The following WFIKKN2 variants were observed in gnomAD, a reference collection of about 807,000 sequenced individuals.
WFIKKN2 encodes the protein WAP, follistatin/kazal, immunoglobulin, kunitz and netrin domain containing 2.
In WFIKKN2, 25 loss-of-function variants were observed where a neutral mutation model predicts 39.2. That is an observed-to-expected ratio of 0.64 (90% CI 0.47 to 0.89). The LOEUF is 0.89. Among genes scored for constraint, WFIKKN2 ranks in the 40% least tolerant of loss-of-function variants. The pLI is 0.00. For synonymous variants in WFIKKN2, 345 were observed against 329.7 expected, an observed-to-expected ratio of 1.05 and a Z score of -0.50; for missense variants, 770 against 811.7, an observed-to-expected ratio of 0.95 and a Z score of 0.62.
chr17:50,840,284 A>G lies in WFIKKN2; in HGVS notation c.996A>G (p.Pro332=), dbSNP rs35114322. The change falls in exon 2 of 2, where the codon CCA becomes CCG. Residue 332 remains proline, a synonymous_variant. Coordinates refer to ENST00000311378, the MANE Select transcript of WFIKKN2 (RefSeq NM_175575.6). Reference sequence around the variant, plus strand: ...CGGCGGCCGAGTGCCTGAAGCCCCCAGACAGTGAGGACTGTGGCGAAGAGC... The same window carrying G: ...CGGCGGCCGAGTGCCTGAAGCCCCCGGACAGTGAGGACTGTGGCGAAGAGC... ...AFPAAECLKP[P]DSEDCGEEQT... 1 of 1,614,018 alleles carries G rather than the reference A, an allele frequency of 6.2e-7. No individual in the cohort carries two copies. Among genetic ancestry groups the G allele is most frequent in the South Asian group, 1.1e-5 (1 of 91,076 alleles).
At chr17:50,837,343 T>C (rs1971972496) in intron 1 of WFIKKN2, among the ~76,000 whole-genome samples, 1 of 152,166 alleles carries the variant, frequency 6.6e-6, no homozygotes. Flanking sequence ...CTGGTGTCCC[T>C]GGGAGGAAGG....
Position 50,840,097 on chromosome 17 carries a change from C to G in WFIKKN2, c.809C>G (p.Ala270Gly). Reference protein sequence around the residue: ...VRGNVVVTNIAQLVIYNAQLQ... With the variant: ...VRGNVVVTNIGQLVIYNAQLQ... ...GGCAACGTGGTGGTCACCAACATTG[C>G]CCAGCTGGTCATCTATAACGCCCAG... Residue 270 changes from alanine (A) to glycine (G), a missense_variant, in exon 2 of 2, where the codon GCC becomes GGC. Physicochemically the swap from Ala to Gly is moderately conservative, Grantham distance 60. Transcript: ENST00000311378. The G allele has an allele frequency of 6.2e-7, 1 of 1,614,200 alleles. No homozygotes were observed.
Position 50,837,627 on chromosome 17 carries a change from G to A in WFIKKN2, c.210+1480G>A, listed in dbSNP as rs1353446327. On this transcript the variant is annotated intron_variant, in intron 1 of 1. Transcript: ENST00000311378. Reference sequence around the variant, plus strand: ...TCCCCAGGGAACACGAGAGACACTGGTTCCCCCATAGATGCCTGGTTACCC... The same window carrying A: ...TCCCCAGGGAACACGAGAGACACTGATTCCCCCATAGATGCCTGGTTACCC... 3.3e-5 allele frequency among the ~76,000 whole-genome samples: 5 copies of A among 152,222 alleles called. No homozygotes were observed. The East Asian group carries it at 5.8e-4, about 18-fold the overall frequency.
rs760374780 is a variant in WFIKKN2, at chr17:50,840,671, C to T, written c.1383C>T (p.Ser461=). 24 of 1,613,830 alleles carry T rather than the reference C, an allele frequency of 1.5e-5. No individual in the cohort carries two copies. The highest frequency in any genetic ancestry group is 6.7e-5 in the Admixed American group (4 of 60,012). ...RQKLVTSFCR[S]DFVILGRVSE... Reference sequence around the variant, plus strand: ...AGCTCGTTACCAGCTTCTGTCGCAGCGACTTTGTCATCCTGGGCCGAGTCT... The same window carrying T: ...AGCTCGTTACCAGCTTCTGTCGCAGTGACTTTGTCATCCTGGGCCGAGTCT... Residue 461 remains serine (S), a synonymous_variant, in exon 2 of 2, where the codon AGC becomes AGT. Coordinates refer to ENST00000311378, the MANE Select transcript of WFIKKN2 (RefSeq NM_175575.6).
rs201034165 is a variant in WFIKKN2, at chr17:50,840,196, C to G, written c.908C>G (p.Ser303Trp). The stretch of plus-strand genomic sequence containing the variant: ...GTCCTGAGGGCTGATTTCCCGCTGT[C>G]GGTGGTCAGGGGTCATCAGGCTGCA... ...AGVLRADFPL[S>W]VVRGHQAAAT... Residue 303 changes from serine to tryptophan, a missense_variant, in exon 2 of 2, where the codon TCG becomes TGG. By Grantham distance (177) the Ser-to-Trp change is radical. Transcript: ENST00000311378. The G allele has an allele frequency of 1.2e-6, 2 of 1,613,640 alleles. No homozygotes were observed. The highest frequency in any genetic ancestry group is 1.7e-6 in the Non-Finnish European group (2 of 1,180,034).
chr17:50,840,258 C>T lies in WFIKKN2; in HGVS notation c.970C>T (p.Pro324Ser), dbSNP rs367803084. ...SESSPNGTAF[P>S]AAECLKPPDS... ...GAGCAGCCCCAATGGCACGGCTTTCCCGGCGGCCGAGTGCCTGAAGCCCCC... is the reference window on the plus strand; with the variant it reads ...GAGCAGCCCCAATGGCACGGCTTTCTCGGCGGCCGAGTGCCTGAAGCCCCC... Residue 324 changes from proline to serine, a missense_variant, in exon 2 of 2, where the codon CCG (proline) becomes TCG (serine). Physicochemically the swap from Pro to Ser is moderately conservative, Grantham distance 74. Coordinates refer to ENST00000311378, the MANE Select transcript of WFIKKN2 (RefSeq NM_175575.6). 363 of 1,613,944 alleles carry T rather than the reference C, an allele frequency of 2.2e-4. No homozygotes were observed. The highest frequency in any genetic ancestry group is 1.1e-3 in the Admixed American group (66 of 60,038).
At chr17:50,838,167 G>GT (rs1971983435) in intron 1 of WFIKKN2, among the ~76,000 whole-genome samples, 1 of 152,104 alleles carries the variant, frequency 6.6e-6, no homozygotes, top group South Asian at 2.1e-4. Flanking sequence ...TCCCTGCGGG[G>GT]TCTCTCTCCC....
intron 1 of WFIKKN2, 111 bp downstream of exon 1, chr17:50,836,258 G>T (rs930184991): frequency 1.5e-6 from 2 of 1,294,468 alleles, no homozygotes; most frequent in Non-Finnish European, 2.1e-6. Context: ...CGTGAGTGGG[G>T]TCCAGAAGCC....
chr17:50,840,690 C>T lies in WFIKKN2; in HGVS notation c.1402C>T (p.Arg468Ter), dbSNP rs761633207. 2.5e-6 allele frequency: 4 copies of T among 1,613,810 alleles called. No homozygotes were observed. The highest frequency in any genetic ancestry group is 2.2e-5 in the East Asian group (1 of 44,894). Residue 468 changes from arginine (R) to a stop codon, truncating the protein, a stop_gained, in exon 2 of 2, where the codon CGA becomes TGA. Transcript: ENST00000311378. LOFTEE classifies it high-confidence loss of function. ...FCRSDFVILGRVSELTEEPDS... is the reference protein window; with the variant it reads ...FCRSDFVILG ...TCGCAGCGACTTTGTCATCCTGGGCCGAGTCTCTGAGCTGACCGAGGAGCC... is the reference window on the plus strand; with the variant it reads ...TCGCAGCGACTTTGTCATCCTGGGCTGAGTCTCTGAGCTGACCGAGGAGCC...
At position 50,841,774 on chromosome 17, in the gene WFIKKN2, C is replaced by T. The variant is rs532036952; in HGVS notation, c.*755C>T. ...GAGAGATGTTAGTCACTGCCCAGTT[C>T]TTAGAGCCCCAACACAGATACCCTC... On this transcript the variant is annotated 3_prime_UTR_variant, in exon 2 of 2. Transcript: ENST00000311378. 1 of 152,318 alleles carries T rather than the reference C, an allele frequency of 6.6e-6. No homozygotes were observed. The highest frequency in any genetic ancestry group is 1.5e-5 in the Non-Finnish European group (1 of 68,108). The allele number at this position is 152,318 out of a possible 1,614,324, so 9.4% of individuals were successfully genotyped here. A position where few individuals can be genotyped will look rare whatever the true frequency, so the allele number is the denominator to read the frequency against.
chr17:50,840,638 T>G lies in WFIKKN2; in HGVS notation c.1350T>G (p.Pro450=), dbSNP rs781378411. 3 of 1,613,880 alleles carry G rather than the reference T, an allele frequency of 1.9e-6. No individual in the cohort carries two copies. Among genetic ancestry groups the G allele is most frequent in the Non-Finnish European group, 2.5e-6 (3 of 1,180,018 alleles). Residue 450 remains proline, a synonymous_variant, in exon 2 of 2, where the codon CCT becomes CCG. Coordinates refer to ENST00000311378, the MANE Select transcript of WFIKKN2 (RefSeq NM_175575.6). ...RGNQRCRACK[P]RQKLVTSFCR... ...ACCAGCGCTGTCGGGCCTGCAAGCC[T>G]CGGCAGAAGCTCGTTACCAGCTTCT...
chr17:50,836,214 G>A lies in WFIKKN2; in HGVS notation c.210+67G>A, dbSNP rs557158181. The stretch of plus-strand genomic sequence containing the variant: ...GTGAGTGACGGGGGTGGGAGCCGTC[G>A]GGGAGGGACTGTGTGGGAGTGTGAG... On this transcript the variant is annotated intron_variant, in intron 1 of 1. Coordinates refer to ENST00000311378, the MANE Select transcript of WFIKKN2 (RefSeq NM_175575.6). 26 of 1,554,198 alleles carry A rather than the reference G, an allele frequency of 1.7e-5. No individual in the cohort carries two copies. In the African/African-American group the frequency reaches 2.0e-4, roughly 12 times the overall value.
Position 50,840,531 on chromosome 17 carries a change from G to T in WFIKKN2, c.1243G>T (p.Val415Phe). Residue 415 changes from valine to phenylalanine, a missense_variant, in exon 2 of 2, where the codon GTC (valine) becomes TTC (phenylalanine). Transcript: ENST00000311378. ...CCAGACGGGCCAGTGCCAGTCCTTT[G>T]TCTATGGTGGCTGCGAGGGCAATGG... ...NSQTGQCQSF[V>F]YGGCEGNGNN... 6.2e-7 allele frequency: 1 copy of T among 1,614,072 alleles called. No homozygotes were observed. The highest frequency in any genetic ancestry group is 1.1e-5 in the South Asian group (1 of 91,090).
At position 50,840,850 on chromosome 17, in the gene WFIKKN2, C is replaced by A; in HGVS notation, c.1562C>A (p.Thr521Asn). The A allele has an allele frequency of 5.6e-6, 9 of 1,611,276 alleles. No individual in the cohort carries two copies. Among genetic ancestry groups the A allele is most frequent in the Non-Finnish European group, 7.6e-6 (9 of 1,177,762 alleles). Residue 521 changes from threonine (T) to asparagine (N), a missense_variant, in exon 2 of 2, where the codon ACC (threonine) becomes AAC (asparagine). Coordinates refer to ENST00000311378, the MANE Select transcript of WFIKKN2 (RefSeq NM_175575.6). ...VDWACPCPNV[T>N]VSEMPLIIMG... ...TGGGCATGCCCCTGCCCCAACGTGA[C>A]CGTGAGCGAGATGCCGCTCATCATC...
At chr17:50,838,691 C>A (rs7207028) in intron 1 of WFIKKN2, among the ~76,000 whole-genome samples, 4 of 152,004 alleles carry the variant, frequency 2.6e-5, no homozygotes, top group South Asian at 4.1e-4. Context: ...TTGCTTTTCC[C>A]GTGAAAGGTC....
At chr17:50,839,329 C>A (rs1274081289) in intron 1 of WFIKKN2, among the ~76,000 whole-genome samples, 170 bp from the exon 2 acceptor site, 1 of 152,180 alleles carries the variant, frequency 6.6e-6, no homozygotes, top group Non-Finnish European at 1.5e-5. Context: ...TACACAGGGG[C>A]CTAGCATGTA....
In WFIKKN2 at chr17:50,839,970, A is replaced by C; in HGVS notation, c.682A>C (p.Ser228Arg). 1 of 1,614,108 alleles carries C rather than the reference A, an allele frequency of 6.2e-7. No homozygotes were observed. The highest frequency in any genetic ancestry group is 8.5e-7 in the Non-Finnish European group (1 of 1,179,964). The change falls in exon 2 of 2, where the codon AGC becomes CGC. Residue 228 changes from serine to arginine, a missense_variant. Physicochemically the swap from Ser to Arg is moderately radical, Grantham distance 110. Coordinates refer to ENST00000311378, the MANE Select transcript of WFIKKN2 (RefSeq NM_175575.6). ...HQSVTMGETV[S>R]FLCDVVGRPR... is the part of the protein sequence containing the mutation. ...GTCGGTCACCATGGGTGAGACAGTG[A>C]GCTTCCTCTGTGATGTGGTGGGCCG...
chr17:50,840,429 G>A lies in WFIKKN2; in HGVS notation c.1141G>A (p.Gly381Arg), dbSNP rs749518805. ...GGCCTGCATGCTGGCCTGCATGAGC[G>A]GGCCGCTGGCCGCGTGCAGCCTGCC... ...YEACMLACMS[G>R]PLAACSLPAL... Residue 381 changes from glycine (G) to arginine (R), a missense_variant, in exon 2 of 2, where the codon GGG becomes AGG. Coordinates refer to ENST00000311378, the MANE Select transcript of WFIKKN2 (RefSeq NM_175575.6). 1.4e-5 allele frequency: 23 copies of A among 1,613,950 alleles called. No homozygotes were observed. The highest frequency in any genetic ancestry group is 4.0e-5 in the African/African-American group (3 of 75,062).
In WFIKKN2 at chr17:50,840,429, G is replaced by GGGCCGCT; in HGVS notation, c.1148_1154dup (p.Cys386GlyfsTer44). On this transcript the variant is annotated frameshift_variant, in exon 2 of 2. Transcript: ENST00000311378. LOFTEE classifies it high-confidence loss of function. Reference sequence around the variant, plus strand: ...GGCCTGCATGCTGGCCTGCATGAGCGGGCCGCTGGCCGCGTGCAGCCTGCC... The same window carrying GGGCCGCT: ...GGCCTGCATGCTGGCCTGCATGAGCGGGCCGCTGGCCGCTGGCCGCGTGCAGCCTGCC... The GGGCCGCT allele has an allele frequency of 1.2e-6, 2 of 1,613,950 alleles. No individual in the cohort carries two copies. The highest frequency in any genetic ancestry group is 1.7e-6 in the Non-Finnish European group (2 of 1,179,956).
Sources: gnomAD v4.1 joint callset for allele counts (sites outside exome capture counted in the v4.1 genomes callset) on GRCh38, gnomAD v4.1.1 for gene constraint, MANE v1.5 for transcripts, NCBI Gene and HGNC (gene_info 2026-07-23, HGNC 2026-07-21) for gene names.